Variants in TPO observed in about 807,000 individuals in gnomAD.
TPO encodes thyroid microsomal antigen.
TPO carries 78 observed loss-of-function variants against 96.9 expected under a neutral mutation model. That is an observed-to-expected ratio of 0.81 (90% CI 0.67 to 0.97). The LOEUF is 0.97. TPO is among the 50% of genes least tolerant of loss of function. TPO has a pLI of 0.00. For synonymous variants in TPO, 547 were observed against 538.0 expected, an observed-to-expected ratio of 1.02 and a Z score of -0.23; for missense variants, 1,252 against 1,274.8, an observed-to-expected ratio of 0.98 and a Z score of 0.27.
intron 1 of TPO, among the ~76,000 whole-genome samples, chr2:1,398,439 A>G (rs576909260): frequency 1.3e-5 from 2 of 152,294 alleles, no homozygotes; most frequent in South Asian, 4.1e-4. Flanking sequence ...TTCCCACTGC[A>G]AACAAGGCTG....
chr2:1,480,253 A>AT (rs538322455), intron 8 of TPO, among the ~76,000 whole-genome samples: 1 of 151,814 alleles, frequency 6.6e-6, no homozygotes, highest in African/African-American at 2.4e-5. Flanking sequence ...TTCCTTTTGT[A>AT]TTTTTTTCAG....
At chr2:1,448,833 C>T (rs541611063) in intron 5 of TPO, among the ~76,000 whole-genome samples, 1 of 152,138 alleles carries the variant, frequency 6.6e-6, no homozygotes, top group African/African-American at 2.4e-5. Context: ...CTCACACCCT[C>T]GATGATGAAT....
rs192465559 is a variant in TPO, at chr2:1,424,514, T to C, written c.179+1385T>C. Among the ~76,000 whole-genome samples the C allele has an allele frequency of 5.9e-5, 9 of 152,290 alleles. No individual in the cohort carries two copies. In the East Asian group the frequency reaches 1.5e-3, roughly 26 times the overall value. On this transcript the variant is annotated intron_variant, in intron 3 of 16. Transcript: ENST00000329066. The stretch of plus-strand genomic sequence containing the variant: ...GTGGTTAGGCGAGGACATTAGAATT[T>C]TATTTTTGGTTTACAAATTGCATGT...
rs556117856 is a variant in TPO, at chr2:1,442,400, A to T, written c.482+6016A>T. ...AGCCACTGTTTGCTCTGTGGTCTAAATCAATGGACTATCTTACCACATGCA... is the reference window on the plus strand; with the variant it reads ...AGCCACTGTTTGCTCTGTGGTCTAATTCAATGGACTATCTTACCACATGCA... On this transcript the variant is annotated intron_variant, in intron 5 of 16. Transcript: ENST00000329066. 8.5e-5 allele frequency among the ~76,000 whole-genome samples: 13 copies of T among 152,358 alleles called. No homozygotes were observed. In the South Asian group the frequency reaches 2.7e-3, roughly 32 times the overall value.
rs561019877 is a variant in TPO at position 1,428,077 on chromosome 2, C to T, written c.179+4948C>T. On this transcript the variant is annotated intron_variant, in intron 3 of 16. Coordinates refer to ENST00000329066, the MANE Select transcript of TPO (RefSeq NM_001206744.2). ...GTGTGGGCTCTTCACATTAAGAATG[C>T]GAAACCAGCTAGAGTCAAAGTTTCC... is the stretch of plus-strand genomic sequence containing the variant. Among the ~76,000 whole-genome samples, 9 of 152,268 alleles carry T rather than the reference C, an allele frequency of 5.9e-5. No homozygotes were observed. In the Middle Eastern group the frequency reaches 0.01, roughly 173 times the overall value.
chr2:1,527,807 A>G (rs367793942), intron 15 of TPO, among the ~76,000 whole-genome samples: 52 of 53,632 alleles, frequency 9.7e-4, no homozygotes, highest in African/African-American at 2.7e-3. Context: ...CACACACTGT[A>G]TGCAACCTCC....
intron 3 of TPO, among the ~76,000 whole-genome samples, chr2:1,431,051 G>T (rs938654425): frequency 6.6e-6 from 1 of 152,170 alleles, no homozygotes; most frequent in Non-Finnish European, 1.5e-5. Flanking sequence ...GGATTTGGGG[G>T]AACGGGTAGA....
intron 13 of TPO, 132 bp downstream of exon 13, chr2:1,496,897 G>A: frequency 7.3e-7 from 1 of 1,372,692 alleles, no homozygotes; most frequent in East Asian, 2.4e-5. Context: ...AGCAATCTGG[G>A]GATAGAAAGC....
intron 3 of TPO, among the ~76,000 whole-genome samples, chr2:1,425,651 T>A (rs950132769): frequency 1.3e-5 from 2 of 151,696 alleles, no homozygotes; most frequent in African/African-American, 4.8e-5. Context: ...CTCAGAAGTC[T>A]ATGCTCCTTC....
intron 10 of TPO, among the ~76,000 whole-genome samples, chr2:1,490,089 C>CGCG: frequency 1.4e-5 from 1 of 73,400 alleles, no homozygotes; most frequent in African/African-American, 7.9e-5. Flanking sequence ...CAGGGGGAGT[C>CGCG]ACGACACAGC....
chr2:1,542,350 T>TATC, intron 16 of TPO, 71 bp from the exon 17 acceptor site: 1 of 1,594,074 alleles, frequency 6.3e-7, no homozygotes, highest in Non-Finnish European at 8.6e-7. Flanking sequence ...TTCTGTCTTG[T>TATC]ATCAAGTGTG....
intron 15 of TPO, among the ~76,000 whole-genome samples, chr2:1,528,184 A>G (rs1456987339): frequency 2.4e-5 from 3 of 127,442 alleles, no homozygotes; most frequent in African/African-American, 9.4e-5. Context: ...GCAAACCCCC[A>G]CATCCCCCCA....
intron 1 of TPO, among the ~76,000 whole-genome samples, chr2:1,389,651 C>T (rs984608007): frequency 6.6e-6 from 1 of 152,166 alleles, no homozygotes; most frequent in African/African-American, 2.4e-5. Context: ...CATGCTCTTA[C>T]TTGGGCCGTT....
chr2:1,464,374 T>TTTTTCGTATAATGACTTC (rs1409005261), intron 7 of TPO, among the ~76,000 whole-genome samples: 4 of 152,332 alleles, frequency 2.6e-5, no homozygotes, highest in South Asian at 2.1e-4. Context: ...TGCCAATGCA[T>TTTTTCGTATAATGACTTC]TTTTCGTATA....
intron 1 of TPO, among the ~76,000 whole-genome samples, chr2:1,392,292 G>C (rs183047256): frequency 6.6e-6 from 1 of 152,108 alleles, no homozygotes; most frequent in Non-Finnish European, 1.5e-5. Flanking sequence ...TTATGTTTAC[G>C]TGATGGATTA....
At chr2:1,441,224 G>A (rs868571137) in intron 5 of TPO, among the ~76,000 whole-genome samples, 8 of 152,118 alleles carry the variant, frequency 5.3e-5, no homozygotes, top group Non-Finnish European at 7.3e-5. Context: ...AGTCAGTGCC[G>A]CAGGAGCTAC....
intron 5 of TPO, among the ~76,000 whole-genome samples, chr2:1,451,016 CT>C (rs2148570247): frequency 6.6e-6 from 1 of 152,278 alleles, no homozygotes; most frequent in East Asian, 1.9e-4. Flanking sequence ...TTATTCTCCC[CT>C]TATGGTCCCT....
At chr2:1,525,825 A>G (rs1676323992) in intron 15 of TPO, among the ~76,000 whole-genome samples, 1 of 135,626 alleles carries the variant, frequency 7.4e-6, no homozygotes, top group African/African-American at 2.8e-5. Context: ...CAACCTACCC[A>G]AATGCCCCCC....
intron 15 of TPO, among the ~76,000 whole-genome samples, chr2:1,532,958 C>T (rs1465425414): frequency 8.3e-6 from 1 of 119,902 alleles, no homozygotes; most frequent in Non-Finnish European, 1.7e-5. Context: ...CCTCAAATCC[C>T]CCCACTGTGT....
Sources: allele counts gnomAD v4.1 joint callset (sites outside exome capture counted in the v4.1 genomes callset), GRCh38; gene constraint gnomAD v4.1.1; transcripts MANE v1.5; gene names NCBI Gene and HGNC (gene_info 2026-07-23, HGNC 2026-07-21).